Variants in CSTF3 observed in about 807,000 individuals in gnomAD.
CSTF3 encodes the protein cleavage stimulation factor subunit 3.
Under a neutral mutation model 105.8 loss-of-function variants are expected in CSTF3, and 29 were observed. The observed-to-expected ratio is 0.27, with a 90% CI of 0.20 to 0.37. The LOEUF (loss-of-function observed/expected upper bound fraction) is 0.37, where lower values mean the gene tolerates loss of function less well. Among genes scored for constraint, CSTF3 ranks in the 10% least tolerant of loss-of-function variants. The pLI, the probability that CSTF3 is intolerant of heterozygous loss-of-function variation, is 1.00. For synonymous variants in CSTF3, 252 were observed against 281.9 expected (o/e 0.89, Z 1.06); for missense variants, 357 against 879.3 (o/e 0.41, Z 7.51).
intron 3 of CSTF3, among the ~76,000 whole-genome samples, chr11:33,126,911 A>C (rs922930374): frequency 6.6e-6 from 1 of 152,212 alleles, no homozygotes; most frequent in African/African-American, 2.4e-5. Context: ...GAACTTGGTA[A>C]AGGATAAGGA....
At chr11:33,095,678 G>C (rs980785288) in intron 15 of CSTF3, among the ~76,000 whole-genome samples, 1 of 151,372 alleles carries the variant, frequency 6.6e-6, no homozygotes, top group East Asian at 1.9e-4. Context: ...AAAATTAGCC[G>C]GGCGAGGTGG....
In CSTF3 at chr11:33,084,754, A is replaced by T. The variant is rs1855084662; in HGVS notation, c.*333T>A. The T allele has an allele frequency of 3.3e-6, 1 of 299,212 alleles. No individual in the cohort carries two copies. The highest frequency in any genetic ancestry group is 4.3e-5 in the South Asian group (1 of 23,446). 18.5% of individuals were successfully genotyped at this position (299,212 alleles called of 1,614,324 possible). On this transcript the variant is annotated 3_prime_UTR_variant, in exon 21 of 21. Coordinates refer to ENST00000323959, the MANE Select transcript of CSTF3 (RefSeq NM_001326.3). ...ATAAAATGCTTTACAATCATAAGCC[A>T]TCCAGTTTTTAAAATAAAACTGTTG...
At chr11:33,131,675 T>C (rs1288154127) in intron 3 of CSTF3, among the ~76,000 whole-genome samples, 2 of 149,226 alleles carry the variant, frequency 1.3e-5, no homozygotes, top group Non-Finnish European at 3.0e-5. Context: ...TGAAACCCCA[T>C]CTCTACTAAA....
chr11:33,146,825 T>C (rs893155295), intron 1 of CSTF3, among the ~76,000 whole-genome samples: 1 of 148,752 alleles, frequency 6.7e-6, no homozygotes, highest in Non-Finnish European at 1.5e-5. Context: ...CATAACAAAA[T>C]AAAGAATTCT....
At chr11:33,109,373 T>G (rs1855357615) in intron 3 of CSTF3, among the ~76,000 whole-genome samples, 1 of 152,192 alleles carries the variant, frequency 6.6e-6, no homozygotes, top group African/African-American at 2.4e-5. Context: ...CTTAAACTAC[T>G]GCAGGTGAGA....
chr11:33,133,858 G>C (rs1164954362), intron 3 of CSTF3, among the ~76,000 whole-genome samples: 1 of 152,118 alleles, frequency 6.6e-6, no homozygotes, highest in Admixed American at 6.5e-5. Context: ...GAGACTAAGA[G>C]GAATGACAAT....
At chr11:33,153,022 T>C (rs1259511562) in intron 1 of CSTF3, among the ~76,000 whole-genome samples, 1 of 151,196 alleles carries the variant, frequency 6.6e-6, no homozygotes, top group African/African-American at 2.4e-5. Flanking sequence ...ACATAAGAAA[T>C]TAAAACAAAA....
rs1855087604 is a variant in CSTF3 at position 33,084,949 on chromosome 11, G to A, written c.*138C>T. 1 of 912,960 alleles carries A rather than the reference G, an allele frequency of 1.1e-6. No homozygotes were observed. The highest frequency in any genetic ancestry group is 1.6e-5 in the African/African-American group (1 of 60,652). The allele number at this position is 912,960 out of a possible 1,614,324, so 56.6% of individuals were successfully genotyped here. A position where few individuals can be genotyped will look rare whatever the true frequency, so the allele number is the denominator to read the frequency against. ...CACAGGTTGGTTTGTTTTTTCTCAA[G>A]AACCATGTGATAGAGGCACCAATGA... On this transcript the variant is annotated 3_prime_UTR_variant, in exon 21 of 21. Coordinates refer to ENST00000323959, the MANE Select transcript of CSTF3 (RefSeq NM_001326.3).
intron 15 of CSTF3, among the ~76,000 whole-genome samples, chr11:33,096,104 C>T (rs978239686): frequency 6.6e-6 from 1 of 152,136 alleles, no homozygotes; most frequent in African/African-American, 2.4e-5. Context: ...TGAATAAAGA[C>T]AGTTCTGCAG....
chr11:33,100,434 C>A (rs978205045), intron 10 of CSTF3, among the ~76,000 whole-genome samples: 1 of 151,250 alleles, frequency 6.6e-6, no homozygotes, highest in Non-Finnish European at 1.5e-5. Context: ...TGGGCTCAAG[C>A]AATCCTCCTG....
At chr11:33,090,463 G>T in intron 17 of CSTF3, 69 bp downstream of exon 17, 1 of 905,364 alleles carries the variant, frequency 1.1e-6, no homozygotes, top group Non-Finnish European at 1.5e-6. Context: ...TAGAGTGCAG[G>T]TTATCAATGA....
At chr11:33,155,755 C>CAACAA (rs1268265594) in intron 1 of CSTF3, among the ~76,000 whole-genome samples, 1 of 151,856 alleles carries the variant, frequency 6.6e-6, no homozygotes, top group Non-Finnish European at 1.5e-5. Context: ...ACCAACTGTC[C>CAACAA]AACAAAACAA....
chr11:33,144,293 T>C (rs758618834), intron 1 of CSTF3, among the ~76,000 whole-genome samples: 2 of 152,170 alleles, frequency 1.3e-5, no homozygotes, highest in Non-Finnish European at 2.9e-5. Flanking sequence ...CATTTACTTA[T>C]TTAGAAAAAA....
In CSTF3 at chr11:33,099,245, G is replaced by A; in HGVS notation, c.937-95C>T. 7.0e-7 allele frequency: 1 copy of A among 1,428,762 alleles called. No individual in the cohort carries two copies. The highest frequency in any genetic ancestry group is 9.4e-7 in the Non-Finnish European group (1 of 1,060,736). 88.5% of individuals were successfully genotyped at this position (1,428,762 alleles called of 1,614,324 possible). On this transcript the variant is annotated intron_variant, in intron 11 of 20. Transcript: ENST00000323959. The surrounding 1 kb of genome is among the most constrained non-coding windows in gnomAD (Gnocchi z 4.1). ...GTTACATCTACTTTATTTTATTTAT[G>A]TGTCTAAGAAAGCATACATGTATGT...
chr11:33,146,493 C>A (rs1380895247), intron 1 of CSTF3, among the ~76,000 whole-genome samples: 2 of 151,882 alleles, frequency 1.3e-5, no homozygotes, highest in Middle Eastern at 3.2e-3. Context: ...TTCAAGGATG[C>A]GGTGAGCTAT....
intron 1 of CSTF3, among the ~76,000 whole-genome samples, chr11:33,148,570 C>T (rs1357643303): frequency 1.3e-5 from 2 of 149,028 alleles, no homozygotes; most frequent in Non-Finnish European, 3.0e-5. Flanking sequence ...GTGGTATGTG[C>T]CTGTAGTCTC....
At chr11:33,143,559 G>A (rs1328006375) in intron 1 of CSTF3, among the ~76,000 whole-genome samples, 1 of 152,054 alleles carries the variant, frequency 6.6e-6, no homozygotes, top group Non-Finnish European at 1.5e-5. Context: ...AGACCAGCCA[G>A]GCTAACATGT....
chr11:33,106,846 A>G (rs1855332302), intron 5 of CSTF3, among the ~76,000 whole-genome samples: 1 of 152,196 alleles, frequency 6.6e-6, no homozygotes, highest in Non-Finnish European at 1.5e-5. Flanking sequence ...TGGTTCTCTC[A>G]TTAATGAGAC....
At chr11:33,108,993 G>C (rs139823864) in intron 3 of CSTF3, among the ~76,000 whole-genome samples, 1 of 152,160 alleles carries the variant, frequency 6.6e-6, no homozygotes, top group Non-Finnish European at 1.5e-5. Flanking sequence ...ATGGTTAAGT[G>C]CTAAAATGAA....
Sources: gnomAD v4.1 joint callset for allele counts (sites outside exome capture counted in the v4.1 genomes callset) on GRCh38, gnomAD v4.1.1 for gene constraint, Gnocchi (gnomAD v3.1) non-coding constraint, MANE v1.5 for transcripts, NCBI Gene and HGNC (gene_info 2026-07-23, HGNC 2026-07-21) for gene names.